Variants in RAI1 observed in about 807,000 individuals in gnomAD.
RAI1 encodes retinoic acid induced 1, also known as retinoic acid-induced protein 1.
In RAI1, 9 loss-of-function variants were observed where a neutral mutation model predicts 123.8. That is an observed-to-expected ratio of 0.07 (90% CI 0.04 to 0.13). The LOEUF is 0.13. Among genes scored for constraint, RAI1 ranks in the 10% least tolerant of loss-of-function variants. The pLI, the probability that RAI1 is intolerant of heterozygous loss-of-function variation, is 1.00. For synonymous variants in RAI1, 1,231 were observed against 1,127.3 expected (o/e 1.09, Z -1.84); for missense variants, 2,256 against 2,545.8 (o/e 0.89, Z 2.45).
intron 2 of RAI1, among the ~76,000 whole-genome samples, chr17:17,771,632 C>A (rs1342822773): frequency 6.6e-6 from 1 of 152,190 alleles, no homozygotes. Flanking sequence ...TGCACATAGC[C>A]ATGGCCACCG....
chr17:17,732,328 C>G (rs1048430841), intron 2 of RAI1, among the ~76,000 whole-genome samples: 3 of 152,184 alleles, frequency 2.0e-5, no homozygotes, highest in African/African-American at 4.8e-5. Flanking sequence ...GGGCAGGCCA[C>G]AGGCCTGAAG....
In RAI1 at chr17:17,722,556, A is replaced by G. The variant is rs193047216; in HGVS notation, c.-148-1472A>G. On this transcript the variant is annotated intron_variant, in intron 1 of 5. Coordinates refer to ENST00000353383, the MANE Select transcript of RAI1 (RefSeq NM_030665.4). ...AACCTAGAGGCGCGGTTTGGCCCCAAGGTCCCCGGTCCCGCTCTTCTTTGT... is the reference window on the plus strand; with the variant it reads ...AACCTAGAGGCGCGGTTTGGCCCCAGGGTCCCCGGTCCCGCTCTTCTTTGT... 6.2e-3 allele frequency among the ~76,000 whole-genome samples: 947 copies of G among 152,276 alleles called. 9 individuals carry two copies. The highest frequency in any genetic ancestry group is 0.022 in the African/African-American group (897 of 41,538).
chr17:17,739,026 G>A (rs1916529664), intron 2 of RAI1, among the ~76,000 whole-genome samples: 1 of 152,174 alleles, frequency 6.6e-6, no homozygotes, highest in Non-Finnish European at 1.5e-5. Context: ...TCTGTCAGTG[G>A]GAACAGCCTG....
At chr17:17,770,094 G>A (rs1269285640) in intron 2 of RAI1, among the ~76,000 whole-genome samples, 3 of 152,122 alleles carry the variant, frequency 2.0e-5, no homozygotes, top group East Asian at 3.9e-4. Context: ...TGTGATGGGA[G>A]GGGCGGGAGG....
chr17:17,740,980 A>G (rs1199545391), intron 2 of RAI1, among the ~76,000 whole-genome samples: 4 of 151,794 alleles, frequency 2.6e-5, no homozygotes, highest in Admixed American at 2.6e-4. Flanking sequence ...TGGGTGAGGC[A>G]GTGTGGGGAG....
rs2032765701 is a variant in RAI1 at position 17,811,105 on chromosome 17, G to A, written c.*1124G>A. The A allele has an allele frequency of 6.8e-6, 2 of 294,056 alleles. No homozygotes were observed. The highest frequency in any genetic ancestry group is 1.3e-5 in the Non-Finnish European group (2 of 148,356). The allele number at this position is 294,056 out of a possible 1,614,324, so 18.2% of individuals were successfully genotyped here. ...TGCCAGTCCGTCCGCCTGTCCGTCC[G>A]TGTCCTCAGCTCTGTCCACGCTTCG... On this transcript the variant is annotated 3_prime_UTR_variant, in exon 6 of 6. Transcript: ENST00000353383.
chr17:17,705,653 C>T (rs548488986), intron 1 of RAI1, among the ~76,000 whole-genome samples: 4 of 151,978 alleles, frequency 2.6e-5, no homozygotes, highest in South Asian at 2.1e-4. Flanking sequence ...TTATACCCAG[C>T]GGGCAGAGGT....
At chr17:17,769,305 C>T (rs112359668) in intron 2 of RAI1, among the ~76,000 whole-genome samples, 3 of 152,260 alleles carry the variant, frequency 2.0e-5, no homozygotes, top group African/African-American at 7.2e-5. Flanking sequence ...GGGTGTCCCC[C>T]CAAAAGGAGA....
At chr17:17,715,623 A>G (rs552377691) in intron 1 of RAI1, among the ~76,000 whole-genome samples, 41 of 152,306 alleles carry the variant, frequency 2.7e-4, no homozygotes, top group African/African-American at 8.9e-4. Context: ...TTCACATGGT[A>G]GAAATTCAGA....
intron 1 of RAI1, among the ~76,000 whole-genome samples, chr17:17,721,126 G>A (rs1915868350): frequency 6.6e-6 from 1 of 151,954 alleles, no homozygotes. Flanking sequence ...AGCGACCTCA[G>A]GTGAGTCTTC....
At chr17:17,706,409 A>G (rs1915396577) in intron 1 of RAI1, among the ~76,000 whole-genome samples, 1 of 152,198 alleles carries the variant, frequency 6.6e-6, no homozygotes, top group Admixed American at 6.5e-5. Flanking sequence ...TAGGTGAAAC[A>G]AGAGGCCAGC....
intron 2 of RAI1, among the ~76,000 whole-genome samples, chr17:17,782,949 G>A (rs1033401397): frequency 1.3e-5 from 2 of 152,196 alleles, no homozygotes; most frequent in Non-Finnish European, 2.9e-5. Flanking sequence ...CCGCGTCCCC[G>A]CGGCAGCCCC....
intron 1 of RAI1, among the ~76,000 whole-genome samples, chr17:17,686,089 C>G (rs1453347595): frequency 6.6e-6 from 1 of 152,248 alleles, no homozygotes; most frequent in African/African-American, 2.4e-5. Context: ...GCTGAAGCAT[C>G]GAGGCCTGAA....
At position 17,809,236 on chromosome 17, in the gene RAI1, G is replaced by A; in HGVS notation, c.5660-154G>A. The A allele has an allele frequency of 1.3e-6, 1 of 767,268 alleles. No homozygotes were observed. Among genetic ancestry groups the A allele is most frequent in the South Asian group, 1.4e-5 (1 of 71,868 alleles). 47.5% of individuals were successfully genotyped at this position (767,268 alleles called of 1,614,324 possible). The stretch of plus-strand genomic sequence containing the variant: ...GCCGTGGAGTGGAGTGGAGTGTGGA[G>A]GGTTTTGTGCAGAATCTGATTAACT... On this transcript the variant is annotated intron_variant, in intron 4 of 5. Coordinates refer to ENST00000353383, the MANE Select transcript of RAI1 (RefSeq NM_030665.4). This position sits in a 1 kb window ranked among gnomAD's most constrained non-coding sequence, Gnocchi z 4.9.
chr17:17,797,199 A>G lies in RAI1; in HGVS notation c.4251A>G (p.Lys1417=), dbSNP rs556223883. 8 of 1,613,814 alleles carry G rather than the reference A, an allele frequency of 5.0e-6. No homozygotes were observed. In the African/African-American group the frequency reaches 8.0e-5, roughly 16 times the overall value. Residue 1417 remains lysine (K), a synonymous_variant, in exon 3 of 6, where the codon AAA becomes AAG. Transcript: ENST00000353383. The stretch of plus-strand genomic sequence containing the variant: ...AAGGCAAACTCATGAACAGTAAGAA[A>G]CTGTCTTCTACTGACTGTTTCAAAA... ...SLKGKLMNSK[K]LSSTDCFKTE... is the part of the protein sequence containing the mutation.
chr17:17,761,689 C>T (rs543922597), intron 2 of RAI1, among the ~76,000 whole-genome samples: 6 of 152,306 alleles, frequency 3.9e-5, no homozygotes, highest in South Asian at 4.1e-4. Context: ...CAGAGGGTGC[C>T]AGTAGCTCCT....
chr17:17,752,951 T>C (rs969506280), intron 2 of RAI1, among the ~76,000 whole-genome samples: 2 of 152,258 alleles, frequency 1.3e-5, no homozygotes, highest in Non-Finnish European at 2.9e-5. Flanking sequence ...TTTGTGTTGT[T>C]GAATGCCTCC....
intron 2 of RAI1, among the ~76,000 whole-genome samples, chr17:17,766,861 T>C (rs372658722): frequency 2.0e-5 from 3 of 151,412 alleles, no homozygotes; most frequent in Admixed American, 1.3e-4. Flanking sequence ...TGGAGATAGA[T>C]GGTGGCAGGG....
At chr17:17,723,920 A>AGGCGC (rs1915980197) in intron 1 of RAI1, 108 bp from the exon 2 acceptor site, 2 of 146,984 alleles carry the variant, frequency 1.4e-5, no homozygotes. Flanking sequence ...GGGGCGCGAG[A>AGGCGC]GGCGCGGCGC....
Sources: gnomAD v4.1 joint callset for allele counts (sites outside exome capture counted in the v4.1 genomes callset) on GRCh38, gnomAD v4.1.1 for gene constraint, Gnocchi (gnomAD v3.1) non-coding constraint, MANE v1.5 for transcripts, NCBI Gene and HGNC (gene_info 2026-07-23, HGNC 2026-07-21) for gene names.